CELSR1: variants seen among roughly 807,000 people sequenced by gnomAD.
The protein encoded by CELSR1 is adhesion G protein-coupled receptor C1.
Under a neutral mutation model 249.1 loss-of-function variants are expected in CELSR1, and 110 were observed. The observed-to-expected ratio is 0.44, with a 90% CI of 0.38 to 0.52. CELSR1 has a LOEUF of 0.52. Among genes scored for constraint, CELSR1 ranks in the 20% least tolerant of loss-of-function variants. CELSR1 has a pLI of 0.00. For missense variants in CELSR1, 4,109 were observed against 4,296.4 expected, an observed-to-expected ratio of 0.96 and a Z score of 1.22; for synonymous variants, 2,113 against 1,900.0, an observed-to-expected ratio of 1.11 and a Z score of -2.92.
intron 5 of CELSR1, among the ~76,000 whole-genome samples, chr22:46,416,870 T>C (rs943118720): frequency 4.6e-5 from 7 of 151,900 alleles, no homozygotes; most frequent in African/African-American, 1.7e-4. Context: ...CCTTACGAAG[T>C]GCTCACATTT....
intron 1 of CELSR1, among the ~76,000 whole-genome samples, chr22:46,494,395 G>C (rs1483045902): frequency 1.3e-5 from 2 of 152,058 alleles, no homozygotes; most frequent in African/African-American, 4.8e-5. Flanking sequence ...AATTTGATTG[G>C]CACTGCACTG....
In CELSR1 at chr22:46,397,587, C is replaced by T. The variant is rs541034140; in HGVS notation, c.5701+87G>A. The stretch of plus-strand genomic sequence containing the variant: ...GGAACCACAGGGAGTTGGCTGGGGA[C>T]GCTAATGTCTAAACTGAGCCCCCCT... On this transcript the variant is annotated intron_variant, in intron 12 of 34. Coordinates refer to ENST00000674500, the MANE Select transcript of CELSR1 (RefSeq NM_001378328.1). The T allele has an allele frequency of 9.3e-4, 1,151 of 1,242,140 alleles. 24 individuals carry two copies. The South Asian group carries it at 0.021, about 22-fold the overall frequency. The allele number at this position is 1,242,140 out of a possible 1,614,324, so 76.9% of individuals were successfully genotyped here.
chr22:46,536,479 C>A lies in CELSR1; in HGVS notation c.692G>T (p.Arg231Leu), dbSNP rs769540671. The A allele has an allele frequency of 1.1e-5, 18 of 1,600,138 alleles. No individual in the cohort carries two copies. The highest frequency in any genetic ancestry group is 1.7e-5 in the Admixed American group (1 of 58,564). Reference protein sequence around the residue: ...NLPEARAGPARRARRGTSGRG... With the variant: ...NLPEARAGPALRARRGTSGRG... ...GCCGCTCGTGCCCCGCCGGGCCCGT[C>A]GCGCCGGCCCCGCCCGGGCTTCGGG... Residue 231 changes from arginine (R) to leucine (L), a missense_variant, in exon 1 of 35, where the codon CGA (arginine) becomes CTA (leucine). By Grantham distance (102) the Arg-to-Leu change is moderately radical (BLOSUM62 -2). Coordinates refer to ENST00000674500, the MANE Select transcript of CELSR1 (RefSeq NM_001378328.1).
At chr22:46,499,351 G>C (rs983087306) in intron 1 of CELSR1, among the ~76,000 whole-genome samples, 2 of 152,120 alleles carry the variant, frequency 1.3e-5, no homozygotes, top group Non-Finnish European at 2.9e-5. Flanking sequence ...AAGCTTCCTG[G>C]CAAAGGAATC....
In CELSR1 at chr22:46,396,432, T is replaced by C. The variant is rs115284444; in HGVS notation, c.5843+173A>G. On this transcript the variant is annotated intron_variant, in intron 13 of 34. Transcript: ENST00000674500. This position sits in a 1 kb window ranked among gnomAD's most constrained non-coding sequence, Gnocchi z 6.4. ...CAAAAAAATAAAAATAAAATAAAAA[T>C]TAAAAAAAATTTGATTTTCACTTAA... 0.011 allele frequency among the ~76,000 whole-genome samples: 1,653 copies of C among 151,684 alleles called. 40 individuals are homozygous for C. The highest frequency in any genetic ancestry group is 0.038 in the African/African-American group (1,590 of 41,314).
At chr22:46,383,298 T>A (rs8140057) in intron 20 of CELSR1, among the ~76,000 whole-genome samples, 3,965 of 152,332 alleles carry the variant, frequency 0.026, 168 homozygotes, top group African/African-American at 0.091. Flanking sequence ...AAACTGTCCA[T>A]TACAGAGTTT....
rs58162281 is a variant in CELSR1, at chr22:46,423,442, C to A, written c.4611+9951G>T. Among the ~76,000 whole-genome samples the A allele has an allele frequency of 0.076, 11,467 of 151,700 alleles. 501 individuals carry two copies. Among genetic ancestry groups the A allele is most frequent in the Non-Finnish European group, 0.094 (6,391 of 67,910 alleles). On this transcript the variant is annotated intron_variant, in intron 5 of 34. Transcript: ENST00000674500. This position sits in a 1 kb window ranked among gnomAD's most constrained non-coding sequence, Gnocchi z 5.6. The stretch of plus-strand genomic sequence containing the variant: ...TCAACATGGAGAAACCCCGTCTCTA[C>A]TAAAAATACAAAATTAGCCGGGCGT...
intron 1 of CELSR1, among the ~76,000 whole-genome samples, chr22:46,465,406 G>A: frequency 6.6e-6 from 1 of 152,020 alleles, no homozygotes; most frequent in Middle Eastern, 3.2e-3. Flanking sequence ...TCAGAGTCCT[G>A]GGCCTCAGTA....
chr22:46,474,788 C>CTTTTTTTTTTTTTTT (rs55932520), intron 1 of CELSR1, among the ~76,000 whole-genome samples: 7 of 89,634 alleles, frequency 7.8e-5, no homozygotes, highest in African/African-American at 9.3e-5. Context: ...CTCTCTACTT[C>CTTTTTTTTTTTTTTT]TTTTTTTTTT....
At chr22:46,498,797 CTA>C (rs2080439751) in intron 1 of CELSR1, among the ~76,000 whole-genome samples, 1 of 151,950 alleles carries the variant, frequency 6.6e-6, no homozygotes, top group African/African-American at 2.4e-5. Flanking sequence ...ACTGGGAAAA[CTA>C]AGCCTCCGCC....
At position 46,374,033 on chromosome 22, in the gene CELSR1, G is replaced by A. The variant is rs2078890584; in HGVS notation, c.7585-976C>T. 6.6e-6 allele frequency among the ~76,000 whole-genome samples: 1 copy of A among 152,260 alleles called. No individual in the cohort carries two copies. Among genetic ancestry groups the A allele is most frequent in the South Asian group, 2.1e-4 (1 of 4,832 alleles). ...GAAACAACGCCCCCGAGGTGGGGAG[G>A]GCCCCAAGTCAGCATCGCATCTGTC... is the stretch of plus-strand genomic sequence containing the variant. On this transcript the variant is annotated intron_variant, in intron 24 of 34. Transcript: ENST00000674500. This position sits in a 1 kb window ranked among gnomAD's most constrained non-coding sequence, Gnocchi z 4.3.
intron 24 of CELSR1, among the ~76,000 whole-genome samples, chr22:46,373,719 GATGGGAGCA>G (rs1435971201): frequency 1.0e-4 from 14 of 138,252 alleles, no homozygotes; most frequent in Admixed American, 3.4e-4. Context: ...AGATGGGGGA[GATGGGAGCA>G]ATGGGAGCAA....
chr22:46,524,036 C>G (rs1038674870), intron 1 of CELSR1, among the ~76,000 whole-genome samples: 2 of 152,236 alleles, frequency 1.3e-5, no homozygotes, highest in Non-Finnish European at 2.9e-5. Context: ...AGCTTCCGTC[C>G]TCAGAAACCT....
In CELSR1 at chr22:46,454,313, C is replaced by T. The variant is rs900719326; in HGVS notation, c.4183+9394G>A. On this transcript the variant is annotated intron_variant, in intron 2 of 34. Transcript: ENST00000674500. This position sits in a 1 kb window ranked among gnomAD's most constrained non-coding sequence, Gnocchi z 5.1. ...TGAATCCGTGCTGCGTTAAGCCCCT[C>T]GTGTGTGGAAATGTTACAGCGGCCA... Among the ~76,000 whole-genome samples, 13 of 152,172 alleles carry T rather than the reference C, an allele frequency of 8.5e-5. No homozygotes were observed. The highest frequency in any genetic ancestry group is 5.2e-4 in the Admixed American group (8 of 15,284).
rs1482335951 is a variant in CELSR1, at chr22:46,395,924, C to T, written c.5843+681G>A. On this transcript the variant is annotated intron_variant, in intron 13 of 34. Transcript: ENST00000674500. This position sits in a 1 kb window ranked among gnomAD's most constrained non-coding sequence, Gnocchi z 5.5. ...CTGCCTGTCCTAACCACACTAGGAT[C>T]TCCGCACACATCAGAAATGACTTCA... Among the ~76,000 whole-genome samples, 4 of 152,214 alleles carry T rather than the reference C, an allele frequency of 2.6e-5. No individual in the cohort carries two copies. The highest frequency in any genetic ancestry group is 5.9e-5 in the Non-Finnish European group (4 of 68,046).
At chr22:46,376,837 GC>G (rs2078923980) in intron 24 of CELSR1, among the ~76,000 whole-genome samples, 1 of 151,854 alleles carries the variant, frequency 6.6e-6, no homozygotes, top group African/African-American at 2.4e-5. Flanking sequence ...GAAAGAAAGG[GC>G]CCCCCATCTC....
rs189389186 is a variant in CELSR1 at position 46,429,495 on chromosome 22, G to A, written c.4611+3898C>T. The stretch of plus-strand genomic sequence containing the variant: ...GCGCCACACAAATGTACAAGTGCCT[G>A]CCTTTGAAAAGACCGTCCTGGAAAA... On this transcript the variant is annotated intron_variant, in intron 5 of 34. Coordinates refer to ENST00000674500, the MANE Select transcript of CELSR1 (RefSeq NM_001378328.1). The surrounding 1 kb of genome is among the most constrained non-coding windows in gnomAD (Gnocchi z 4.1). 9.0e-4 allele frequency among the ~76,000 whole-genome samples: 137 copies of A among 152,374 alleles called. No homozygotes were observed. Among genetic ancestry groups the A allele is most frequent in the Non-Finnish European group, 5.6e-4 (38 of 68,036 alleles).
chr22:46,448,777 C>A lies in CELSR1; in HGVS notation c.4184-9366G>T, dbSNP rs1195690883. ...CACGCAAATGCACAAAACCTGAAGT[C>A]AACTCAAAGCCCCATCAAAGAGCTC... On this transcript the variant is annotated intron_variant, in intron 2 of 34. Transcript: ENST00000674500. This position sits in a 1 kb window ranked among gnomAD's most constrained non-coding sequence, Gnocchi z 5.7. Among the ~76,000 whole-genome samples the A allele has an allele frequency of 2.6e-5, 4 of 152,116 alleles. No individual in the cohort carries two copies. Among genetic ancestry groups the A allele is most frequent in the Non-Finnish European group, 5.9e-5 (4 of 68,020 alleles).
chr22:46,438,081 G>A (rs1246253263), intron 3 of CELSR1, among the ~76,000 whole-genome samples: 5 of 152,096 alleles, frequency 3.3e-5, no homozygotes, highest in Non-Finnish European at 7.3e-5. Flanking sequence ...CACGTACACC[G>A]CTGGCGACGG....
Sources: gnomAD v4.1 joint callset for allele counts (sites outside exome capture counted in the v4.1 genomes callset) on GRCh38, gnomAD v4.1.1 for gene constraint, Gnocchi (gnomAD v3.1) non-coding constraint, MANE v1.5 for transcripts, NCBI Gene and HGNC (gene_info 2026-07-23, HGNC 2026-07-21) for gene names.